Variants in GPC5 observed in about 807,000 individuals in gnomAD.
GPC5 encodes the protein glypican-5.
In GPC5, 47 loss-of-function variants were observed where a neutral mutation model predicts 53.9. That is an observed-to-expected ratio of 0.87 (90% CI 0.69 to 1.11). The LOEUF is 1.11. GPC5 is among the 50% of genes most tolerant of loss of function. The pLI is 0.00. For missense variants in GPC5, 748 were observed against 713.1 expected (o/e 1.05, Z -0.56); for synonymous variants, 286 against 263.3 (o/e 1.09, Z -0.84).
intron 2 of GPC5, among the ~76,000 whole-genome samples, chr13:91,629,652 G>T (rs1278815725): frequency 6.6e-6 from 1 of 151,938 alleles, no homozygotes; most frequent in Non-Finnish European, 1.5e-5. Context: ...TCAAAAATAT[G>T]TATATATTTT....
chr13:92,284,020 A>C (rs1346095572), intron 7 of GPC5, among the ~76,000 whole-genome samples: 5 of 152,110 alleles, frequency 3.3e-5, no homozygotes, highest in African/African-American at 7.2e-5. Flanking sequence ...AGAAAAGAAG[A>C]ATCAAATAGA....
At chr13:91,734,279 C>T (rs537713173) in intron 4 of GPC5, among the ~76,000 whole-genome samples, 4 of 151,002 alleles carry the variant, frequency 2.6e-5, no homozygotes, top group African/African-American at 4.9e-5. Context: ...GATATTGGCC[C>T]GAATTTCAGG....
chr13:91,519,556 G>A (rs1885693186), intron 2 of GPC5, among the ~76,000 whole-genome samples: 1 of 152,170 alleles, frequency 6.6e-6, no homozygotes, highest in South Asian at 2.1e-4. Flanking sequence ...ATGTGAAGAT[G>A]TGTCTACTTC....
intron 7 of GPC5, among the ~76,000 whole-genome samples, chr13:92,367,542 A>G (rs541567558): frequency 6.6e-6 from 1 of 152,346 alleles, no homozygotes; most frequent in Admixed American, 6.5e-5. Flanking sequence ...GAGATTGGTA[A>G]GAGATATTTT....
intron 6 of GPC5, among the ~76,000 whole-genome samples, chr13:92,096,056 G>A (rs1010464287): frequency 1.3e-5 from 2 of 152,150 alleles, no homozygotes; most frequent in Non-Finnish European, 2.9e-5. Flanking sequence ...TCTACTCTGT[G>A]TTTCACTGTA....
At chr13:92,104,958 TTCAG>T (rs2041497134) in intron 6 of GPC5, among the ~76,000 whole-genome samples, 1 of 152,194 alleles carries the variant, frequency 6.6e-6, no homozygotes, top group African/African-American at 2.4e-5. Flanking sequence ...AGTGTTTTTG[TTCAG>T]TCATTGAACT....
At chr13:91,974,761 A>G (rs1244018772) in intron 6 of GPC5, among the ~76,000 whole-genome samples, 1 of 152,198 alleles carries the variant, frequency 6.6e-6, no homozygotes, top group African/African-American at 2.4e-5. Flanking sequence ...CAGAATTGGA[A>G]AAAACTACTT....
intron 7 of GPC5, among the ~76,000 whole-genome samples, chr13:92,831,340 C>G (rs927323518): frequency 6.6e-6 from 1 of 152,074 alleles, no homozygotes; most frequent in African/African-American, 2.4e-5. Flanking sequence ...CCACATGTAT[C>G]ATATTGAGAT....
intron 6 of GPC5, among the ~76,000 whole-genome samples, chr13:91,909,656 C>A (rs1232028498): frequency 6.6e-6 from 1 of 151,970 alleles, no homozygotes; most frequent in Admixed American, 6.6e-5. Flanking sequence ...AGGATGAAAG[C>A]AGAACGGAAA....
At chr13:91,914,615 A>T (rs2139007325) in intron 6 of GPC5, among the ~76,000 whole-genome samples, 1 of 102,586 alleles carries the variant, frequency 9.7e-6, no homozygotes, top group East Asian at 3.4e-4. Flanking sequence ...TGATTTTAGT[A>T]GAAAAAGGCT....
chr13:92,630,699 T>G (rs1300705972), intron 7 of GPC5, among the ~76,000 whole-genome samples: 1 of 152,104 alleles, frequency 6.6e-6, no homozygotes, highest in East Asian at 1.9e-4. Flanking sequence ...AATAAAAAAT[T>G]TTTTTAAACC....
intron 5 of GPC5, among the ~76,000 whole-genome samples, chr13:91,827,215 C>A (rs1594599612): frequency 6.6e-6 from 1 of 151,620 alleles, no homozygotes; most frequent in East Asian, 1.9e-4. Context: ...TATTATGTAT[C>A]AATAGAAATT....
intron 5 of GPC5, among the ~76,000 whole-genome samples, chr13:91,905,636 G>T (rs1003875648): frequency 1.3e-5 from 2 of 151,970 alleles, no homozygotes; most frequent in Non-Finnish European, 2.9e-5. Context: ...TATTATCTCA[G>T]GAAGAACTGG....
chr13:92,468,735 G>A (rs1427794231), intron 7 of GPC5, among the ~76,000 whole-genome samples: 5 of 152,136 alleles, frequency 3.3e-5, no homozygotes, highest in Admixed American at 3.3e-4. Context: ...AAAGAACACA[G>A]CAGAACTGAC....
At chr13:92,546,909 A>C (rs537649700) in intron 7 of GPC5, among the ~76,000 whole-genome samples, 42 of 152,226 alleles carry the variant, frequency 2.8e-4, no homozygotes, top group East Asian at 7.7e-4. Context: ...CAAAAACAAG[A>C]AATGGGGAAA....
chr13:91,606,453 A>C (rs975139043), intron 2 of GPC5, among the ~76,000 whole-genome samples: 11 of 150,890 alleles, frequency 7.3e-5, no homozygotes, highest in African/African-American at 2.7e-4. Context: ...TTGGTATCAG[A>C]ATGATGCTGG....
Position 92,611,485 on chromosome 13 carries a change from CAT to C in GPC5, c.1562-254795_1562-254794del, listed in dbSNP as rs35876541. ...ATAAGCCATATTTAAATTCCAGTAACATAATGTATTCAAAGTATTTTCTCTGA... is the reference window on the plus strand; with the variant it reads ...ATAAGCCATATTTAAATTCCAGTAACAATGTATTCAAAGTATTTTCTCTGA... On this transcript the variant is annotated intron_variant, in intron 7 of 7. Coordinates refer to ENST00000377067, the MANE Select transcript of GPC5 (RefSeq NM_004466.6). 9.4e-3 allele frequency among the ~76,000 whole-genome samples: 1,423 copies of C among 152,168 alleles called. 24 individuals carry two copies. Among genetic ancestry groups the C allele is most frequent in the African/African-American group, 0.032 (1,330 of 41,506 alleles).
In GPC5 at chr13:91,478,881, T is replaced by TATATA. The variant is rs1555312577; in HGVS notation, c.325+29959_325+29960insATATA. On this transcript the variant is annotated intron_variant, in intron 2 of 7. Transcript: ENST00000377067. Reference sequence around the variant, plus strand: ...ATATACACACACATATATATACACATTATATATATATATATATATATGCAC... The same window carrying TATATA: ...ATATACACACACATATATATACACATATATATATATATATATATATATATATGCAC... 6.7e-4 allele frequency among the ~76,000 whole-genome samples: 45 copies of TATATA among 67,516 alleles called. 1 individual carries two copies. The highest frequency in any genetic ancestry group is 2.5e-3 in the African/African-American group (38 of 15,274). The allele number at this position is 67,516 out of a possible 152,430, so 44.3% of individuals were successfully genotyped here.
intron 7 of GPC5, among the ~76,000 whole-genome samples, chr13:92,153,428 A>G (rs1443246130): frequency 1.3e-5 from 2 of 152,170 alleles, no homozygotes; most frequent in Non-Finnish European, 1.5e-5. Flanking sequence ...ATGAGCCACC[A>G]TACCCAGCCT....
Sources: gnomAD v4.1 joint callset for allele counts (sites outside exome capture counted in the v4.1 genomes callset) on GRCh38, gnomAD v4.1.1 for gene constraint, MANE v1.5 for transcripts, NCBI Gene and HGNC (gene_info 2026-07-23, HGNC 2026-07-21) for gene names.